Variants in TRDN observed in about 807,000 individuals in gnomAD.
TRDN encodes triadin in skeletal muscle.
Under a neutral mutation model 149.7 loss-of-function variants are expected in TRDN, and 161 were observed. That is an observed-to-expected ratio of 1.08 (90% confidence interval 0.95 to 1.23). TRDN has a LOEUF of 1.23. Ranked by LOEUF, TRDN falls within the 50% of genes most tolerant of loss-of-function variation. TRDN has a pLI of 0.00. For synonymous variants in TRDN, 294 were observed against 250.5 expected, an observed-to-expected ratio of 1.17 and a Z score of -1.64; for missense variants, 896 against 823.5, an observed-to-expected ratio of 1.09 and a Z score of -1.08.
rs747659429 is a variant in TRDN, at chr6:123,279,095, A to G, written c.1511-13T>C. ...TTGACTTCTTTGCCTAGAAAAAAGT[A>G]AAAAAATTATTAAAGGCTGAGTCAT... On this transcript the variant is annotated splice_polypyrimidine_tract_variant and intron_variant, in intron 24 of 40. Coordinates refer to ENST00000334268, the MANE Select transcript of TRDN (RefSeq NM_006073.4). 3.7e-6 allele frequency: 6 copies of G among 1,601,612 alleles called. No individual in the cohort carries two copies. Among genetic ancestry groups the G allele is most frequent in the Non-Finnish European group, 8.5e-7 (1 of 1,173,342 alleles).
intron 12 of TRDN, among the ~76,000 whole-genome samples, chr6:123,430,229 T>C (rs1367808412): frequency 1.3e-5 from 2 of 151,524 alleles, no homozygotes; most frequent in Admixed American, 6.6e-5. Context: ...GAGATTACAC[T>C]ACTGCATTAA....
intron 24 of TRDN, among the ~76,000 whole-genome samples, chr6:123,285,378 A>G (rs997660950): frequency 6.6e-6 from 1 of 152,136 alleles, no homozygotes; most frequent in Non-Finnish European, 1.5e-5. Flanking sequence ...GAACCCCAAA[A>G]TAAAGCCAAA....
At chr6:123,383,985 T>C (rs1781815160) in intron 14 of TRDN, among the ~76,000 whole-genome samples, 1 of 152,194 alleles carries the variant, frequency 6.6e-6, no homozygotes, top group Admixed American at 6.5e-5. Flanking sequence ...TAGATTTTTC[T>C]TAATTAACCC....
chr6:123,376,770 G>A (rs536058103), intron 18 of TRDN, among the ~76,000 whole-genome samples: 23 of 152,198 alleles, frequency 1.5e-4, no homozygotes, highest in Non-Finnish European at 2.9e-4. Context: ...TGAGACTACA[G>A]TTGGGCCCCT....
rs1776214963 is a variant in TRDN at position 123,457,744 on chromosome 6, T to TA, written c.931+7161dup. Among the ~76,000 whole-genome samples, 4 of 152,046 alleles carry TA rather than the reference T, an allele frequency of 2.6e-5. No individual in the cohort carries two copies. In the South Asian group the frequency reaches 8.3e-4, roughly 31 times the overall value. ...CCAAGCCCTAGTACAGTGTTTCAGTTAAAAAAATAAAAAACAAGAGTCTAA... is the reference window on the plus strand; with the variant it reads ...CCAAGCCCTAGTACAGTGTTTCAGTTAAAAAAAATAAAAAACAAGAGTCTAA... On this transcript the variant is annotated intron_variant, in intron 10 of 40. Transcript: ENST00000334268.
intron 1 of TRDN, among the ~76,000 whole-genome samples, chr6:123,628,597 T>C (rs944229589): frequency 1.7e-4 from 26 of 152,142 alleles, no homozygotes; most frequent in African/African-American, 6.0e-4. Context: ...CTTTATTCAT[T>C]TTCTTTGAAA....
chr6:123,411,179 T>C (rs1773424965), intron 12 of TRDN, among the ~76,000 whole-genome samples: 1 of 151,638 alleles, frequency 6.6e-6, no homozygotes, highest in Non-Finnish European at 1.5e-5. Context: ...CACGAGTAGC[T>C]GGGGTTACAG....
intron 24 of TRDN, among the ~76,000 whole-genome samples, chr6:123,313,591 A>G (rs1158392874): frequency 1.3e-5 from 2 of 151,884 alleles, no homozygotes; most frequent in Non-Finnish European, 2.9e-5. Context: ...ACCTGGAGAT[A>G]TCACCAGTGA....
intron 24 of TRDN, among the ~76,000 whole-genome samples, chr6:123,296,199 A>G (rs188933270): frequency 5.1e-4 from 78 of 152,258 alleles, no homozygotes; most frequent in Non-Finnish European, 9.6e-4. Context: ...TTAAGGGCGT[A>G]TTAACAAATC....
chr6:123,244,799 T>C (rs1776114043), intron 38 of TRDN, among the ~76,000 whole-genome samples: 1 of 152,072 alleles, frequency 6.6e-6, no homozygotes, highest in Admixed American at 6.6e-5. Flanking sequence ...GCCATCAGAT[T>C]CACCAAGGTT....
intron 10 of TRDN, among the ~76,000 whole-genome samples, chr6:123,454,656 G>T (rs915815438): frequency 6.6e-6 from 1 of 152,182 alleles, no homozygotes; most frequent in Non-Finnish European, 1.5e-5. Flanking sequence ...CACAGCAGGA[G>T]GTGAGCAGAG....
At chr6:123,278,159 T>C (rs1351261193) in intron 26 of TRDN, among the ~76,000 whole-genome samples, 159 bp downstream of exon 26, 2 of 152,094 alleles carry the variant, frequency 1.3e-5, no homozygotes, top group East Asian at 3.9e-4. Flanking sequence ...TAGAAATGGG[T>C]AGCATAGAGA....
At chr6:123,240,063 G>C (rs926991007) in intron 38 of TRDN, among the ~76,000 whole-genome samples, 4 of 151,762 alleles carry the variant, frequency 2.6e-5, no homozygotes, top group Non-Finnish European at 4.4e-5. Context: ...AGAGATGAGA[G>C]ACCAATACAT....
intron 24 of TRDN, among the ~76,000 whole-genome samples, chr6:123,306,777 T>C (rs9285450): frequency 0.87 from 131,920 of 151,998 alleles, 57,566 homozygotes; most frequent in East Asian, 0.99. Context: ...TGCAGGTATG[T>C]CATGAATTGC....
intron 38 of TRDN, among the ~76,000 whole-genome samples, chr6:123,230,984 T>G (rs569607654): frequency 1.3e-5 from 2 of 152,118 alleles, no homozygotes; most frequent in East Asian, 3.9e-4. Context: ...TTATGAATTA[T>G]GGGGAAAATA....
intron 12 of TRDN, among the ~76,000 whole-genome samples, chr6:123,406,011 A>T (rs1773176889): frequency 6.6e-6 from 1 of 152,184 alleles, no homozygotes; most frequent in African/African-American, 2.4e-5. Flanking sequence ...AGTAATAGCT[A>T]AAATATGTCT....
intron 8 of TRDN, chr6:123,502,383 T>G (rs1244173440): frequency 3.0e-6 from 2 of 662,044 alleles, no homozygotes; most frequent in African/African-American, 3.9e-5. Flanking sequence ...GAAAAAGTTT[T>G]AGAGCTCCTA....
intron 32 of TRDN, among the ~76,000 whole-genome samples, 171 bp from the exon 33 acceptor site, chr6:123,265,509 C>T (rs905422490): frequency 6.6e-6 from 1 of 151,206 alleles, no homozygotes; most frequent in South Asian, 2.1e-4. Flanking sequence ...ATATCATACT[C>T]CCAATGAGTT....
chr6:123,262,893 C>A (rs1052008148), intron 33 of TRDN, among the ~76,000 whole-genome samples: 1 of 151,988 alleles, frequency 6.6e-6, no homozygotes, highest in East Asian at 1.9e-4. Flanking sequence ...ATTCACCAAG[C>A]CCTCTCCCTT....
Sources: allele counts gnomAD v4.1 joint callset (sites outside exome capture counted in the v4.1 genomes callset), GRCh38; gene constraint gnomAD v4.1.1; transcripts MANE v1.5; gene names NCBI Gene and HGNC (gene_info 2026-07-23, HGNC 2026-07-21).